Variants in PRKAG2 observed in about 807,000 individuals in gnomAD.
PRKAG2 encodes protein kinase AMP-activated non-catalytic subunit gamma 2.
A neutral mutation model predicts 69.6 loss-of-function variants in PRKAG2; 26 were observed. That is an observed-to-expected ratio of 0.37 (90% CI 0.27 to 0.52). The LOEUF (loss-of-function observed/expected upper bound fraction) is 0.52, where lower values mean the gene tolerates loss of function less well. Among genes scored for constraint, PRKAG2 ranks in the 20% least tolerant of loss-of-function variants. The pLI is 0.90. For synonymous variants in PRKAG2, 293 were observed against 285.0 expected, an observed-to-expected ratio of 1.03 and a Z score of -0.28; for missense variants, 557 against 740.0, an observed-to-expected ratio of 0.75 and a Z score of 2.87.
intron 1 of PRKAG2, among the ~76,000 whole-genome samples, chr7:151,841,439 AGTAG>A (rs1394521522): frequency 1.1e-5 from 1 of 91,460 alleles, no homozygotes; most frequent in East Asian, 2.9e-4. Flanking sequence ...TGGTAGTGAT[AGTAG>A]GTAGGGATGG....
rs1179604140 is a variant in PRKAG2, at chr7:151,777,053, G to A, written c.466+4099C>T. 2.0e-5 allele frequency among the ~76,000 whole-genome samples: 3 copies of A among 152,292 alleles called. No homozygotes were observed. Among genetic ancestry groups the A allele is most frequent in the South Asian group, 4.1e-4 (2 of 4,822 alleles). On this transcript the variant is annotated intron_variant, in intron 3 of 15. Coordinates refer to ENST00000287878, the MANE Select transcript of PRKAG2 (RefSeq NM_016203.4). This position sits in a 1 kb window ranked among gnomAD's most constrained non-coding sequence, Gnocchi z 4.3. Reference sequence around the variant, plus strand: ...GCTCCTGCAGTACAGGAGATGGGTTGGGGGACTCACTCTCTGACTCCACCT... The same window carrying A: ...GCTCCTGCAGTACAGGAGATGGGTTAGGGGACTCACTCTCTGACTCCACCT...
At chr7:151,663,727 C>T (rs1395366883) in intron 4 of PRKAG2, among the ~76,000 whole-genome samples, 1 of 152,186 alleles carries the variant, frequency 6.6e-6, no homozygotes, top group Non-Finnish European at 1.5e-5. Context: ...TTCCACTGCC[C>T]TCTCCAGTGG....
intron 3 of PRKAG2, among the ~76,000 whole-genome samples, chr7:151,692,393 A>G (rs926543149): frequency 6.6e-6 from 1 of 152,204 alleles, no homozygotes; most frequent in African/African-American, 2.4e-5. Context: ...CATTCTGGAA[A>G]AAGCAAAATT....
Position 151,843,066 on chromosome 7 carries a change from T to C in PRKAG2, c.114+33441A>G, listed in dbSNP as rs77812413. 2.0e-3 allele frequency among the ~76,000 whole-genome samples: 300 copies of C among 152,184 alleles called. 2 individuals carry two copies. The highest frequency in any genetic ancestry group is 7.0e-3 in the African/African-American group (291 of 41,476). On this transcript the variant is annotated intron_variant, in intron 1 of 15. Transcript: ENST00000287878. ...GAAAGACACACATACACGCAGGCCA[T>C]GCTTTTAGTCATGCAAACACACAGT... is the stretch of plus-strand genomic sequence containing the variant.
chr7:151,560,402 A>C (rs777673873), intron 15 of PRKAG2, 122 bp downstream of exon 15: 1 of 1,597,516 alleles, frequency 6.3e-7, no homozygotes, highest in South Asian at 1.1e-5. Context: ...GTTTCAAAGT[A>C]ATATACTCAA....
intron 1 of PRKAG2, among the ~76,000 whole-genome samples, chr7:151,804,859 T>C (rs904691155): frequency 6.6e-6 from 1 of 152,164 alleles, no homozygotes; most frequent in Non-Finnish European, 1.5e-5. Flanking sequence ...CGGCTGCTGT[T>C]CATAGAACAA....
rs544930695 is a variant in PRKAG2 at position 151,625,726 on chromosome 7, G to A, written c.754+6343C>T. 9.9e-5 allele frequency among the ~76,000 whole-genome samples: 15 copies of A among 152,184 alleles called. No individual in the cohort carries two copies. The South Asian group carries it at 2.7e-3, about 27-fold the overall frequency. ...CCTGTTAAAACAGCTGGGAGGATGC[G>A]GGCATTTATGGAATCAGGCTGGTTA... is the stretch of plus-strand genomic sequence containing the variant. On this transcript the variant is annotated intron_variant, in intron 5 of 15. Transcript: ENST00000287878.
At chr7:151,678,874 G>A (rs561388700) in intron 3 of PRKAG2, among the ~76,000 whole-genome samples, 3 of 152,162 alleles carry the variant, frequency 2.0e-5, no homozygotes, top group East Asian at 1.9e-4. Context: ...CAGGAGAATC[G>A]CTTGAACCCA....
chr7:151,814,737 C>G lies in PRKAG2; in HGVS notation c.115-28196G>C. 8.1e-7 allele frequency: 1 copy of G among 1,231,712 alleles called. No individual in the cohort carries two copies. Among genetic ancestry groups the G allele is most frequent in the Non-Finnish European group, 1.0e-6 (1 of 987,956 alleles). The allele number at this position is 1,231,712 out of a possible 1,614,324, so 76.3% of individuals were successfully genotyped here. A position where few individuals can be genotyped will look rare whatever the true frequency, so the allele number is the denominator to read the frequency against. On this transcript the variant is annotated intron_variant, in intron 1 of 15. Coordinates refer to ENST00000287878, the MANE Select transcript of PRKAG2 (RefSeq NM_016203.4). The surrounding 1 kb of genome is among the most constrained non-coding windows in gnomAD (Gnocchi z 4.8). ...GACAGCATGGGCTGGCCTAAGACAG[C>G]GCAGGCAACGGTCTTGGTGGCTGGA...
intron 3 of PRKAG2, among the ~76,000 whole-genome samples, chr7:151,700,456 C>T (rs555363334): frequency 2.6e-5 from 4 of 152,338 alleles, no homozygotes; most frequent in African/African-American, 7.2e-5. Flanking sequence ...GTGAGATACG[C>T]GGCTGTAGGC....
chr7:151,586,807 G>A (rs1228311558), intron 6 of PRKAG2, among the ~76,000 whole-genome samples: 1 of 152,106 alleles, frequency 6.6e-6, no homozygotes, highest in East Asian at 1.9e-4. Flanking sequence ...CCTTCCCTTT[G>A]TGCCTCTTAA....
chr7:151,579,143 G>A (rs917259943), intron 6 of PRKAG2, among the ~76,000 whole-genome samples: 1 of 152,162 alleles, frequency 6.6e-6, no homozygotes. Flanking sequence ...TCCCACCTCA[G>A]CCTTCCAAGT....
chr7:151,827,625 G>A (rs745869586), intron 1 of PRKAG2, among the ~76,000 whole-genome samples: 2 of 151,970 alleles, frequency 1.3e-5, no homozygotes, highest in Non-Finnish European at 2.9e-5. Context: ...AACACAGTGG[G>A]TTCCAGGACG....
At chr7:151,681,531 G>A (rs1369139027) in intron 3 of PRKAG2, among the ~76,000 whole-genome samples, 1 of 152,114 alleles carries the variant, frequency 6.6e-6, no homozygotes, top group Non-Finnish European at 1.5e-5. Context: ...CCTATCTGTT[G>A]ACTGATACCC....
At chr7:151,870,157 G>GATAGA (rs1563769271) in intron 1 of PRKAG2, among the ~76,000 whole-genome samples, 6,546 of 111,966 alleles carry the variant, frequency 0.058, 197 homozygotes, top group Middle Eastern at 0.079. Context: ...AGATAGATAG[G>GATAGA]CAGGCAGGCA....
chr7:151,631,706 A>G (rs755368217), intron 5 of PRKAG2: 1 of 460,588 alleles, frequency 2.2e-6, no homozygotes, highest in South Asian at 1.5e-5. Flanking sequence ...TGTGGGTATG[A>G]TTCGGGGTTG....
intron 5 of PRKAG2, among the ~76,000 whole-genome samples, chr7:151,604,205 G>A (rs930344458): frequency 1.3e-5 from 2 of 152,218 alleles, no homozygotes; most frequent in African/African-American, 4.8e-5. Context: ...CCGTCATCCA[G>A]GGAGGTGTGC....
At chr7:151,779,334 C>G (rs2151799813) in intron 3 of PRKAG2, among the ~76,000 whole-genome samples, 1 of 152,340 alleles carries the variant, frequency 6.6e-6, no homozygotes, top group East Asian at 1.9e-4. Flanking sequence ...CCTGCACCTC[C>G]TGGTGCCACT....
rs554647396 is a variant in PRKAG2 at position 151,768,061 on chromosome 7, A to G, written c.466+13091T>C. 3.9e-3 allele frequency among the ~76,000 whole-genome samples: 590 copies of G among 152,300 alleles called. 4 individuals are homozygous for G. Among genetic ancestry groups the G allele is most frequent in the South Asian group, 0.016 (78 of 4,824 alleles). On this transcript the variant is annotated intron_variant, in intron 3 of 15. Transcript: ENST00000287878. The stretch of plus-strand genomic sequence containing the variant: ...GACAAGCTGCAAATAATAACATAAT[A>G]ATCAGAATAAAGAGCAGGGGAGCTT...
Sources: allele counts gnomAD v4.1 joint callset (sites outside exome capture counted in the v4.1 genomes callset), GRCh38; gene constraint gnomAD v4.1.1; non-coding constraint Gnocchi (gnomAD v3.1); transcripts MANE v1.5; gene names NCBI Gene and HGNC (gene_info 2026-07-23, HGNC 2026-07-21).